Variants in TC2N observed in about 807,000 individuals in gnomAD.
TC2N encodes tandem C2 domains nuclear protein.
A neutral mutation model predicts 61.9 loss-of-function variants in TC2N; 51 were observed. That is an observed-to-expected ratio of 0.82 (90% CI 0.66 to 1.04). The LOEUF is 1.04. Ranked by LOEUF, TC2N falls within the 50% of genes least tolerant of loss-of-function variation. TC2N has a pLI of 0.00. For synonymous variants in TC2N, 204 were observed against 192.6 expected (o/e 1.06, Z -0.49); for missense variants, 556 against 566.7 (o/e 0.98, Z 0.19).
intron 11 of TC2N, 73 bp from the exon 12 acceptor site, chr14:91,783,283 C>G: frequency 1.3e-6 from 1 of 773,404 alleles, no homozygotes; most frequent in Non-Finnish European, 2.1e-6. Context: ...GTTAGTTACT[C>G]TTACTGATGG....
intron 1 of TC2N, among the ~76,000 whole-genome samples, chr14:91,854,423 G>A (rs1888438562): frequency 7.5e-6 from 1 of 133,758 alleles, no homozygotes; most frequent in Non-Finnish European, 1.6e-5. Context: ...AGGAGGGGGA[G>A]GGGGAGGGGA....
rs1473482376 is a variant in TC2N at position 91,785,150 on chromosome 14, ACTC to A, written c.1362+9_1362+11del. The stretch of plus-strand genomic sequence containing the variant: ...TAGAAAAATATAAGGAAGGATAAAA[ACTC>A]CTACTAACCTGGCCCACAAAGTGTT... On this transcript the variant is annotated intron_variant, in intron 11 of 11. Coordinates refer to ENST00000435962, the MANE Select transcript of TC2N (RefSeq NM_001128596.3). The A allele has an allele frequency of 1.3e-6, 2 of 1,592,556 alleles. No individual in the cohort carries two copies. Among genetic ancestry groups the A allele is most frequent in the African/African-American group, 1.3e-5 (1 of 74,222 alleles).
At chr14:91,792,264 G>T (rs1885695656) in intron 9 of TC2N, 103 bp downstream of exon 9, 2 of 597,156 alleles carry the variant, frequency 3.3e-6, no homozygotes, top group Non-Finnish European at 5.4e-6. Flanking sequence ...GAGCCTTCCA[G>T]ATCCTCTAAT....
chr14:91,836,779 G>C (rs1449349326), intron 1 of TC2N, among the ~76,000 whole-genome samples: 1 of 152,166 alleles, frequency 6.6e-6, no homozygotes, highest in East Asian at 1.9e-4. Flanking sequence ...CGCCAGGTGT[G>C]GGGTGTGTTT....
chr14:91,801,473 G>C (rs1225918680), intron 4 of TC2N, among the ~76,000 whole-genome samples: 1 of 152,118 alleles, frequency 6.6e-6, no homozygotes, highest in East Asian at 1.9e-4. Context: ...GGGCAACATG[G>C]CAAAACCCCA....
chr14:91,820,703 T>TAA (rs562900141), intron 1 of TC2N, among the ~76,000 whole-genome samples: 90 of 147,648 alleles, frequency 6.1e-4, no homozygotes, highest in East Asian at 9.9e-4. Context: ...ATCTTGTAAA[T>TAA]AAAAAAAAAA....
At chr14:91,792,926 C>A (rs1426595789) in intron 8 of TC2N, among the ~76,000 whole-genome samples, 1 of 152,186 alleles carries the variant, frequency 6.6e-6, no homozygotes, top group Non-Finnish European at 1.5e-5. Flanking sequence ...GTGCAAGAAT[C>A]TCATATGCAA....
At chr14:91,807,047 C>A (rs780505548) in intron 3 of TC2N, among the ~76,000 whole-genome samples, 4 of 152,192 alleles carry the variant, frequency 2.6e-5, no homozygotes, top group Non-Finnish European at 4.4e-5. Context: ...AGGGTGGAAG[C>A]CCCAAGTCTT....
At chr14:91,863,218 A>C (rs1052987844) in intron 1 of TC2N, among the ~76,000 whole-genome samples, 5 of 152,274 alleles carry the variant, frequency 3.3e-5, no homozygotes, top group African/African-American at 1.2e-4. Context: ...TAAAGATCTA[A>C]GGTATCTACA....
At chr14:91,800,402 T>C in intron 4 of TC2N, 30 bp from the exon 5 acceptor site, 1 of 1,307,186 alleles carries the variant, frequency 7.7e-7, no homozygotes, top group East Asian at 2.4e-5. Flanking sequence ...AAGTATATAT[T>C]TTTAAGAAAC....
At chr14:91,820,343 G>T (rs1250232205) in intron 1 of TC2N, among the ~76,000 whole-genome samples, 1 of 151,930 alleles carries the variant, frequency 6.6e-6, no homozygotes, top group Non-Finnish European at 1.5e-5. Context: ...TTCATGTAAT[G>T]CATCATATTA....
rs183259486 is a variant in TC2N at position 91,781,489 on chromosome 14, G to A, written c.*1611C>T. The A allele has an allele frequency of 3.9e-5, 6 of 152,106 alleles. No homozygotes were observed. Among genetic ancestry groups the A allele is most frequent in the Admixed American group, 3.9e-4 (6 of 15,282 alleles). 9.4% of individuals were successfully genotyped at this position (152,106 alleles called of 1,614,324 possible). ...AGCCTGGGAGGCTGTTGAGGGCTTTGTCAGGGGAGAAAGGAAATCTCTATC... is the reference window on the plus strand; with the variant it reads ...AGCCTGGGAGGCTGTTGAGGGCTTTATCAGGGGAGAAAGGAAATCTCTATC... On this transcript the variant is annotated 3_prime_UTR_variant, in exon 12 of 12. Coordinates refer to ENST00000435962, the MANE Select transcript of TC2N (RefSeq NM_001128596.3).
At chr14:91,790,191 C>T (rs926974534) in intron 9 of TC2N, among the ~76,000 whole-genome samples, 7 of 152,128 alleles carry the variant, frequency 4.6e-5, no homozygotes, top group Non-Finnish European at 8.8e-5. Context: ...TTCAGGAAAA[C>T]GTATTTCTTC....
chr14:91,859,536 A>G (rs1888550035), intron 1 of TC2N, among the ~76,000 whole-genome samples: 1 of 152,142 alleles, frequency 6.6e-6, no homozygotes, highest in Admixed American at 6.5e-5. Context: ...ACCACCTACT[A>G]TGGGCCAGGC....
intron 3 of TC2N, among the ~76,000 whole-genome samples, chr14:91,805,837 C>T (rs1174272843): frequency 3.3e-5 from 5 of 152,194 alleles, no homozygotes; most frequent in Non-Finnish European, 7.3e-5. Context: ...TACTCACTCA[C>T]TGACTCACCC....
chr14:91,813,639 T>G (rs17127600), intron 2 of TC2N, 64 bp downstream of exon 2: 203,487 of 1,206,408 alleles, frequency 0.17, 17,778 homozygotes, highest in Non-Finnish European at 0.18. Context: ...ATTCTTTATA[T>G]TACAAAATGC....
At chr14:91,836,493 C>T (rs1191486687) in intron 1 of TC2N, 1 of 151,618 alleles carries the variant, frequency 6.6e-6, no homozygotes, top group African/African-American at 2.4e-5. Flanking sequence ...TCACTTACCC[C>T]CTCCCCTCCA....
At chr14:91,786,998 A>G (rs1420147031) in intron 10 of TC2N, among the ~76,000 whole-genome samples, 1 of 152,082 alleles carries the variant, frequency 6.6e-6, no homozygotes, top group Admixed American at 6.5e-5. Context: ...CTGCCCCCAT[A>G]CAGTTCCCTT....
chr14:91,792,707 C>T, intron 8 of TC2N, 149 bp from the exon 9 acceptor site: 1 of 456,652 alleles, frequency 2.2e-6, no homozygotes, highest in Non-Finnish European at 3.8e-6. Flanking sequence ...ATAAGAATGG[C>T]AATGACTTGT....
Sources: allele counts gnomAD v4.1 joint callset (sites outside exome capture counted in the v4.1 genomes callset), GRCh38; gene constraint gnomAD v4.1.1; transcripts MANE v1.5; gene names NCBI Gene and HGNC (gene_info 2026-07-23, HGNC 2026-07-21).